USP12: variants seen among roughly 807,000 people sequenced by gnomAD.
USP12 encodes the protein ubiquitin carboxyl-terminal hydrolase 12.
A neutral mutation model predicts 45.5 loss-of-function variants in USP12; 19 were observed. The observed-to-expected ratio is 0.42, with a 90% CI of 0.29 to 0.61. The LOEUF is 0.61. Among genes scored for constraint, USP12 ranks in the 20% least tolerant of loss-of-function variants. USP12 has a pLI of 0.22. For missense variants in USP12, 242 were observed against 447.7 expected, an observed-to-expected ratio of 0.54 and a Z score of 4.15; for synonymous variants, 149 against 148.8, an observed-to-expected ratio of 1.00 and a Z score of -0.01.
intron 1 of USP12, among the ~76,000 whole-genome samples, chr13:27,126,158 G>A (rs1876227588): frequency 6.6e-6 from 1 of 152,244 alleles, no homozygotes; most frequent in South Asian, 2.1e-4. Context: ...ATAACAGACA[G>A]ACTGCCTCCT....
chr13:27,108,635 C>G (rs938369513), intron 2 of USP12, among the ~76,000 whole-genome samples: 3 of 152,048 alleles, frequency 2.0e-5, no homozygotes, highest in African/African-American at 4.8e-5. Flanking sequence ...CCAAAACACA[C>G]CAACTATACA....
intron 7 of USP12, among the ~76,000 whole-genome samples, chr13:27,074,878 T>G (rs2484114): frequency 0.11 from 16,967 of 152,140 alleles, 1,617 homozygotes; most frequent in East Asian, 0.28. Context: ...AAGTGATTTA[T>G]TTTAACCAAC....
At chr13:27,164,780 C>T (rs1056432639) in intron 1 of USP12, among the ~76,000 whole-genome samples, 3 of 152,162 alleles carry the variant, frequency 2.0e-5, no homozygotes, top group Non-Finnish European at 4.4e-5. Flanking sequence ...CTCCCAACAC[C>T]TTTAAAGTAT....
intron 2 of USP12, among the ~76,000 whole-genome samples, chr13:27,116,135 AC>A (rs1300676631): frequency 2.6e-5 from 4 of 151,810 alleles, no homozygotes; most frequent in Non-Finnish European, 5.9e-5. Context: ...ACACGGTGAA[AC>A]CCTGTCTCTA....
intron 8 of USP12, among the ~76,000 whole-genome samples, chr13:27,070,058 G>C (rs1422710944): frequency 6.6e-6 from 1 of 152,136 alleles, no homozygotes; most frequent in Non-Finnish European, 1.5e-5. Flanking sequence ...ATTCACAATA[G>C]TCATTAACTG....
chr13:27,074,584 T>C (rs1873393025), intron 7 of USP12, among the ~76,000 whole-genome samples: 1 of 152,212 alleles, frequency 6.6e-6, no homozygotes, highest in Admixed American at 6.5e-5. Flanking sequence ...AAGACAGTTA[T>C]GTTCCAAATA....
chr13:27,081,252 C>T (rs1004990142), intron 6 of USP12, among the ~76,000 whole-genome samples: 2 of 152,296 alleles, frequency 1.3e-5, no homozygotes, highest in East Asian at 1.9e-4. Context: ...CAAACCCTGA[C>T]GCTGCTATCA....
At chr13:27,134,130 C>A (rs756763416) in intron 1 of USP12, among the ~76,000 whole-genome samples, 1 of 152,138 alleles carries the variant, frequency 6.6e-6, no homozygotes, top group Non-Finnish European at 1.5e-5. Flanking sequence ...GGTCACAGAG[C>A]CAGACCCTGT....
In USP12 at chr13:27,095,640, T is replaced by C. The variant is rs369520401; in HGVS notation, c.534A>G (p.Gly178=). 8 of 1,610,986 alleles carry C rather than the reference T, an allele frequency of 5.0e-6. No individual in the cohort carries two copies. In the African/African-American group the frequency reaches 1.1e-4, roughly 22 times the overall value. The change falls in exon 4 of 9, where the codon GGA becomes GGG. Residue 178 remains glycine, a synonymous_variant. Transcript: ENST00000282344. Reference sequence around the variant, plus strand: ...GACATCTGGTTTCATTAGTTAATGTTCCCTGAAAAATCTCATGAACCCACG... The same window carrying C: ...GACATCTGGTTTCATTAGTTAATGTCCCCTGAAAAATCTCATGAACCCACG... ...DPTWVHEIFQ[G]TLTNETRCLT...
At chr13:27,094,183 TAA>T (rs71083629) in intron 4 of USP12, among the ~76,000 whole-genome samples, 1 of 141,986 alleles carries the variant, frequency 7.0e-6, no homozygotes, top group African/African-American at 2.6e-5. Flanking sequence ...CAAGGGGATT[TAA>T]AAAAAAAAAA....
chr13:27,169,499 C>G (rs1055949928), intron 1 of USP12, among the ~76,000 whole-genome samples: 1 of 152,238 alleles, frequency 6.6e-6, no homozygotes. Flanking sequence ...GGGGTACATT[C>G]GAATGTATTC....
At chr13:27,070,294 T>C (rs1053231817) in intron 8 of USP12, among the ~76,000 whole-genome samples, 2 of 151,614 alleles carry the variant, frequency 1.3e-5, no homozygotes, top group African/African-American at 4.8e-5. Flanking sequence ...TCCAGGAGGG[T>C]AGAGGTGAGG....
At chr13:27,089,488 G>T (rs1874214815) in intron 6 of USP12, 2 of 161,312 alleles carry the variant, frequency 1.2e-5, no homozygotes, top group Non-Finnish European at 2.7e-5. Flanking sequence ...ACAATAACAT[G>T]CTAAGAGAAT....
chr13:27,087,134 AGT>A (rs977370727), intron 6 of USP12, among the ~76,000 whole-genome samples: 1 of 147,952 alleles, frequency 6.8e-6, no homozygotes, highest in Non-Finnish European at 1.5e-5. Flanking sequence ...CGTGTGTGAG[AGT>A]GTGTGTGTGT....
intron 3 of USP12, among the ~76,000 whole-genome samples, chr13:27,103,254 T>C (rs1874953996): frequency 6.6e-6 from 1 of 152,140 alleles, no homozygotes. Flanking sequence ...AAACAAAATC[T>C]CAGAAGGAAA....
chr13:27,159,486 G>A (rs997201748), intron 1 of USP12, among the ~76,000 whole-genome samples: 2 of 152,070 alleles, frequency 1.3e-5, no homozygotes, highest in Non-Finnish European at 2.9e-5. Flanking sequence ...TTCTCAACTA[G>A]GCCACACCTA....
At chr13:27,140,488 T>C (rs1469403532) in intron 1 of USP12, among the ~76,000 whole-genome samples, 5 of 152,190 alleles carry the variant, frequency 3.3e-5, no homozygotes, top group African/African-American at 1.2e-4. Flanking sequence ...ACAGACACTA[T>C]AGGGCACAAT....
At chr13:27,141,329 T>C (rs1213784020) in intron 1 of USP12, among the ~76,000 whole-genome samples, 1 of 152,206 alleles carries the variant, frequency 6.6e-6, no homozygotes, top group Admixed American at 6.5e-5. Flanking sequence ...AGTCACTTTT[T>C]AAAACATTTC....
chr13:27,106,413 G>A (rs1875139071), intron 2 of USP12, among the ~76,000 whole-genome samples: 1 of 151,526 alleles, frequency 6.6e-6, no homozygotes, highest in Admixed American at 6.6e-5. Context: ...GGGAGGGGGC[G>A]GGCGGGGAAA....
Sources: allele counts gnomAD v4.1 joint callset (sites outside exome capture counted in the v4.1 genomes callset), GRCh38; gene constraint gnomAD v4.1.1; transcripts MANE v1.5; gene names NCBI Gene and HGNC (gene_info 2026-07-23, HGNC 2026-07-21).